ROR2: variants seen among roughly 807,000 people sequenced by gnomAD.
The protein encoded by ROR2 is ROR family WNT receptor 2, also known as tyrosine-protein kinase transmembrane receptor ROR2.
A neutral mutation model predicts 74.9 loss-of-function variants in ROR2; 33 were observed. That is an observed-to-expected ratio of 0.44 (90% confidence interval 0.33 to 0.59). The LOEUF (loss-of-function observed/expected upper bound fraction) is 0.59. Among genes scored for constraint, ROR2 ranks in the 20% least tolerant of loss-of-function variants. The pLI is 0.02. For synonymous variants in ROR2, 586 were observed against 558.7 expected (o/e 1.05, Z -0.69); for missense variants, 1,216 against 1,313.8 (o/e 0.93, Z 1.15).
intron 1 of ROR2, among the ~76,000 whole-genome samples, chr9:91,776,607 G>C (rs1826427446): frequency 6.6e-6 from 1 of 152,196 alleles, no homozygotes. Context: ...GGGAGGACGA[G>C]TGGTCCCATC....
At chr9:91,875,337 T>C (rs1829925994) in intron 1 of ROR2, among the ~76,000 whole-genome samples, 1 of 152,230 alleles carries the variant, frequency 6.6e-6, no homozygotes, top group African/African-American at 2.4e-5. Flanking sequence ...ATTTCTCTGA[T>C]TCCACTCAAC....
At chr9:91,829,674 G>A (rs1346646039) in intron 1 of ROR2, among the ~76,000 whole-genome samples, 1 of 151,956 alleles carries the variant, frequency 6.6e-6, no homozygotes, top group African/African-American at 2.4e-5. Flanking sequence ...CTAGAGCAGG[G>A]AGCAATGAAA....
chr9:91,831,200 G>A, intron 1 of ROR2, among the ~76,000 whole-genome samples: 1 of 151,754 alleles, frequency 6.6e-6, no homozygotes, highest in Non-Finnish European at 1.5e-5. Flanking sequence ...GGCGGAGGCT[G>A]TGGTGAGCCG....
At chr9:91,933,087 C>A (rs117106774) in intron 1 of ROR2, among the ~76,000 whole-genome samples, 8,233 of 152,144 alleles carry the variant, frequency 0.054, 480 homozygotes, top group East Asian at 0.22. Context: ...CCAAGGCAGG[C>A]GGATCATGAG....
chr9:91,794,109 T>G (rs955077534), intron 1 of ROR2, among the ~76,000 whole-genome samples: 1 of 152,228 alleles, frequency 6.6e-6, no homozygotes, highest in African/African-American at 2.4e-5. Context: ...TGGGAGACTA[T>G]CCAAATACCA....
intron 1 of ROR2, among the ~76,000 whole-genome samples, chr9:91,891,102 C>T (rs1830407958): frequency 6.6e-6 from 1 of 152,186 alleles, no homozygotes; most frequent in Non-Finnish European, 1.5e-5. Context: ...TCTACTGTTA[C>T]ATAACAAATT....
chr9:91,754,660 A>G (rs565151551), intron 4 of ROR2, among the ~76,000 whole-genome samples: 1 of 152,260 alleles, frequency 6.6e-6, no homozygotes, highest in East Asian at 1.9e-4. Flanking sequence ...GTCTCAAAAA[A>G]TAAAATAACT....
chr9:91,902,586 C>T (rs942554451), intron 1 of ROR2, among the ~76,000 whole-genome samples: 5 of 152,142 alleles, frequency 3.3e-5, no homozygotes, highest in Non-Finnish European at 5.9e-5. Context: ...GACCCTGCCC[C>T]CACCCCCAAC....
At chr9:91,854,075 T>C (rs1197286975) in intron 1 of ROR2, among the ~76,000 whole-genome samples, 5 of 152,112 alleles carry the variant, frequency 3.3e-5, no homozygotes, top group African/African-American at 1.2e-4. Context: ...AGGTTCCTGC[T>C]ATGGGCAACA....
intron 1 of ROR2, among the ~76,000 whole-genome samples, chr9:91,869,113 AG>A (rs1487782106): frequency 6.6e-6 from 1 of 152,100 alleles, no homozygotes; most frequent in Non-Finnish European, 1.5e-5. Context: ...GCTGGAGTGC[AG>A]TGACACAACC....
Position 91,905,357 on chromosome 9 carries a change from CCATACACACAA to C in ROR2, c.97+44499_97+44509del, listed in dbSNP as rs1830788348. On this transcript the variant is annotated intron_variant, in intron 1 of 8. Coordinates refer to ENST00000375708, the MANE Select transcript of ROR2 (RefSeq NM_004560.4). This position sits in a 1 kb window ranked among gnomAD's most constrained non-coding sequence, Gnocchi z 5.3. Reference sequence around the variant, plus strand: ...ACAACACATACACAACCATCACACACCATACACACAAGACACACAACACATACCACACACAC... The same window carrying C: ...ACAACACATACACAACCATCACACACGACACACAACACATACCACACACAC... Among the ~76,000 whole-genome samples, 1 of 151,632 alleles carries C rather than the reference CCATACACACAA, an allele frequency of 6.6e-6. No homozygotes were observed. Among genetic ancestry groups the C allele is most frequent in the African/African-American group, 2.4e-5 (1 of 41,234 alleles).
At chr9:91,811,134 G>C (rs1005613714) in intron 1 of ROR2, among the ~76,000 whole-genome samples, 2 of 152,230 alleles carry the variant, frequency 1.3e-5, no homozygotes, top group African/African-American at 4.8e-5. Context: ...ATGCCCATAC[G>C]AATCTTTCCT....
chr9:91,744,642 C>CA (rs1216658957), intron 4 of ROR2, among the ~76,000 whole-genome samples: 3 of 152,102 alleles, frequency 2.0e-5, no homozygotes, highest in African/African-American at 7.2e-5. Flanking sequence ...ACAGATGTGG[C>CA]AAAAACATCC....
intron 1 of ROR2, among the ~76,000 whole-genome samples, chr9:91,911,476 T>C (rs188087588): frequency 1.3e-5 from 2 of 152,000 alleles, no homozygotes; most frequent in East Asian, 3.9e-4. Flanking sequence ...ACCACCATTG[T>C]ATATGTGGTC....
At chr9:91,760,753 T>C (rs1825891332) in intron 2 of ROR2, among the ~76,000 whole-genome samples, 2 of 152,186 alleles carry the variant, frequency 1.3e-5, no homozygotes, top group African/African-American at 4.8e-5. Context: ...ATTTTAAAAG[T>C]AGGACTTTAA....
intron 1 of ROR2, among the ~76,000 whole-genome samples, chr9:91,810,409 G>A (rs936729478): frequency 7.2e-5 from 11 of 152,116 alleles, no homozygotes; most frequent in Non-Finnish European, 1.5e-4. Flanking sequence ...CGGGATTGAC[G>A]GGTGCGGTTT....
chr9:91,928,889 T>C (rs1831477978), intron 1 of ROR2, among the ~76,000 whole-genome samples: 2 of 152,216 alleles, frequency 1.3e-5, no homozygotes, highest in South Asian at 2.1e-4. Flanking sequence ...GTTCAATAAA[T>C]ATCAGGACTG....
chr9:91,728,980 G>C (rs920580558), intron 7 of ROR2, among the ~76,000 whole-genome samples: 1 of 151,642 alleles, frequency 6.6e-6, no homozygotes, highest in Non-Finnish European at 1.5e-5. Flanking sequence ...TTTATGCCCT[G>C]TAAGTACAAA....
chr9:91,921,172 T>A (rs796931968), intron 1 of ROR2, among the ~76,000 whole-genome samples: 6 of 152,302 alleles, frequency 3.9e-5, no homozygotes, highest in African/African-American at 1.2e-4. Context: ...TCCCACAAAC[T>A]GGCCCTGGGC....
Sources: gnomAD v4.1 joint callset for allele counts (sites outside exome capture counted in the v4.1 genomes callset) on GRCh38, gnomAD v4.1.1 for gene constraint, Gnocchi (gnomAD v3.1) non-coding constraint, MANE v1.5 for transcripts, NCBI Gene and HGNC (gene_info 2026-07-23, HGNC 2026-07-21) for gene names.